SNX24: variants seen among roughly 807,000 people sequenced by gnomAD.
The protein encoded by SNX24 is sorting nexin 24.
In SNX24, 22 loss-of-function variants were observed where a neutral mutation model predicts 28.7. The observed-to-expected ratio is 0.77, with a 90% confidence interval of 0.55 to 1.10. The LOEUF (loss-of-function observed/expected upper bound fraction) is 1.10, where lower values mean the gene tolerates loss of function less well. Ranked by LOEUF, SNX24 falls within the 50% of genes least tolerant of loss-of-function variation. The probability of loss-of-function intolerance (pLI) is 0.00; values close to 1 mark genes in which losing one functional copy is unlikely to be tolerated. For missense variants in SNX24, 221 were observed against 201.1 expected, an observed-to-expected ratio of 1.10 and a Z score of -0.60; for synonymous variants, 69 against 71.5, an observed-to-expected ratio of 0.96 and a Z score of 0.18.
chr5:122,863,497 G>A (rs551696190), intron 1 of SNX24, among the ~76,000 whole-genome samples: 2 of 151,964 alleles, frequency 1.3e-5, no homozygotes, highest in Admixed American at 6.6e-5. Flanking sequence ...GGTCTGGTAG[G>A]CAGCAATAAG....
chr5:123,023,495 G>T (rs15577), intron 5 of SNX24: 35,575 of 154,032 alleles, frequency 0.23, 5,232 homozygotes, highest in Non-Finnish European at 0.34. Context: ...CTGAATTTCT[G>T]TTTGGATACA....
chr5:123,026,018 T>A (rs1157424983), intron 5 of SNX24: 1 of 1,494,590 alleles, frequency 6.7e-7, no homozygotes, highest in Non-Finnish European at 9.0e-7. Flanking sequence ...AAAAGTCAGC[T>A]CTTCAAAGGG....
In SNX24 at chr5:122,894,361, T is replaced by C. The variant is rs148973543; in HGVS notation, c.61-42373T>C. On this transcript the variant is annotated intron_variant, in intron 1 of 6. Coordinates refer to ENST00000261369, the MANE Select transcript of SNX24 (RefSeq NM_014035.4). The stretch of plus-strand genomic sequence containing the variant: ...ATATATCTCCATCTCTTGTTATATA[T>C]GTCCCTTGTTTTTTCCTTTCATAAA... Among the ~76,000 whole-genome samples, 101 of 152,254 alleles carry C rather than the reference T, an allele frequency of 6.6e-4. 2 individuals carry two copies. The highest frequency in any genetic ancestry group is 2.4e-3 in the African/African-American group (98 of 41,566).
At chr5:122,959,286 C>CTT (rs201505063) in intron 3 of SNX24, among the ~76,000 whole-genome samples, 19 of 137,464 alleles carry the variant, frequency 1.4e-4, no homozygotes, top group East Asian at 6.4e-4. Context: ...TACGATTTTT[C>CTT]TTTTTTTTTT....
At chr5:122,983,298 A>G (rs1761466228) in intron 3 of SNX24, among the ~76,000 whole-genome samples, 1 of 150,882 alleles carries the variant, frequency 6.6e-6, no homozygotes, top group African/African-American at 2.4e-5. Flanking sequence ...TAAATTTTGC[A>G]TATTCTTATT....
At chr5:122,955,745 C>A (rs891009827) in intron 3 of SNX24, among the ~76,000 whole-genome samples, 7 of 152,248 alleles carry the variant, frequency 4.6e-5, no homozygotes, top group African/African-American at 1.7e-4. Flanking sequence ...CTGCCATTGG[C>A]CCTGGAAATC....
intron 3 of SNX24, among the ~76,000 whole-genome samples, chr5:122,949,547 G>A (rs1429467418): frequency 2.6e-5 from 4 of 152,108 alleles, no homozygotes; most frequent in Non-Finnish European, 5.9e-5. Flanking sequence ...TTGCCACAGT[G>A]TAAATAATTT....
chr5:122,916,519 A>G (rs926057159), intron 1 of SNX24, among the ~76,000 whole-genome samples: 5 of 152,120 alleles, frequency 3.3e-5, no homozygotes, highest in Admixed American at 2.0e-4. Context: ...TTTATCTTAG[A>G]TGCTTTTATT....
intron 3 of SNX24, among the ~76,000 whole-genome samples, chr5:122,988,899 A>G (rs980728348): frequency 2.0e-5 from 3 of 152,052 alleles, no homozygotes; most frequent in African/African-American, 7.2e-5. Flanking sequence ...TTTATTTTTC[A>G]TATGCTATTA....
rs1554081573 is a variant in SNX24, at chr5:123,023,802, A to T, written n.384-5436A>T. The T allele has an allele frequency of 7.1e-6, 10 of 1,413,446 alleles. No homozygotes were observed. The South Asian group carries it at 1.6e-4, about 22-fold the overall frequency. The allele number at this position is 1,413,446 out of a possible 1,614,324, so 87.6% of individuals were successfully genotyped here. A position where few individuals can be genotyped will look rare whatever the true frequency, so the allele number is the denominator to read the frequency against. ...AAAAAAAAGCAAATAATTGAAAGAC[A>T]ACACAACACACACACACACACACAC... On this transcript the variant is annotated intron_variant and non_coding_transcript_variant, in intron 5 of 5. Coordinates refer to the SNX24 transcript ENST00000502387.
chr5:123,025,797 A>C, intron 5 of SNX24: 3 of 1,613,038 alleles, frequency 1.9e-6, no homozygotes, highest in Non-Finnish European at 2.5e-6. Context: ...CCCATCAATG[A>C]CTTTTCCAAA....
intron 3 of SNX24, among the ~76,000 whole-genome samples, chr5:122,989,606 C>T (rs415534): frequency 0.22 from 33,926 of 152,058 alleles, 4,827 homozygotes; most frequent in Non-Finnish European, 0.33. Flanking sequence ...TTTGATATTG[C>T]TCTTTGTTAT....
intron 5 of SNX24, among the ~76,000 whole-genome samples, 199 bp from the exon 6 acceptor site, chr5:123,001,741 C>T (rs1012233777): frequency 1.3e-5 from 2 of 152,182 alleles, no homozygotes; most frequent in Non-Finnish European, 2.9e-5. Flanking sequence ...GCTTCAAATT[C>T]CACAAAGAAA....
At chr5:122,875,967 T>C (rs879385855) in intron 1 of SNX24, among the ~76,000 whole-genome samples, 3 of 152,176 alleles carry the variant, frequency 2.0e-5, no homozygotes, top group Non-Finnish European at 4.4e-5. Context: ...CCAGCAACTG[T>C]AGCTACAGCT....
At chr5:122,986,403 C>A (rs1411776992) in intron 3 of SNX24, among the ~76,000 whole-genome samples, 1 of 152,108 alleles carries the variant, frequency 6.6e-6, no homozygotes, top group Non-Finnish European at 1.5e-5. Context: ...AAAGTCCCAA[C>A]ATTTTGAGTT....
intron 2 of SNX24, among the ~76,000 whole-genome samples, chr5:122,945,140 A>G (rs1228516128): frequency 6.6e-6 from 1 of 152,150 alleles, no homozygotes; most frequent in Admixed American, 6.5e-5. Context: ...TCCAGCTTCT[A>G]GAGGTCACCT....
intron 3 of SNX24, among the ~76,000 whole-genome samples, chr5:122,958,820 A>T (rs930363739): frequency 6.6e-6 from 1 of 151,858 alleles, no homozygotes; most frequent in Admixed American, 6.6e-5. Flanking sequence ...TCAGCCTTCT[A>T]AAGTGCTGGG....
chr5:122,927,951 A>G (rs1487436228), intron 1 of SNX24, among the ~76,000 whole-genome samples: 2 of 152,178 alleles, frequency 1.3e-5, no homozygotes, highest in Admixed American at 6.5e-5. Context: ...TGGCATCACC[A>G]TCCTTCCAGT....
At chr5:122,853,329 G>A (rs560948965) in intron 1 of SNX24, among the ~76,000 whole-genome samples, 326 of 152,014 alleles carry the variant, frequency 2.1e-3, no homozygotes, top group African/African-American at 7.2e-3. Flanking sequence ...GGGTTTCACC[G>A]TGTTAGCCAG....
Sources: allele counts gnomAD v4.1 joint callset (sites outside exome capture counted in the v4.1 genomes callset), GRCh38; gene constraint gnomAD v4.1.1; transcripts MANE v1.5; gene names NCBI Gene and HGNC (gene_info 2026-07-23, HGNC 2026-07-21).